Variants in CYP4F22 observed in about 807,000 individuals in gnomAD.
CYP4F22 encodes cytochrome P450 family 4 subfamily F member 22, also known as ultra-long-chain fatty acid omega-hydroxylase.
In CYP4F22, 37 loss-of-function variants were observed where a neutral mutation model predicts 60.4. The ratio of observed to expected loss-of-function variants is 0.61; its 90% CI spans 0.47 to 0.81. CYP4F22 has a LOEUF of 0.81. CYP4F22 is among the 30% of genes least tolerant of loss of function. CYP4F22 has a pLI of 0.00. For missense variants in CYP4F22, 655 were observed against 715.0 expected (o/e 0.92, Z 0.96); for synonymous variants, 258 against 280.5 (o/e 0.92, Z 0.80).
At chr19:15,549,694 G>T (rs1478821494) in intron 12 of CYP4F22, among the ~76,000 whole-genome samples, 1 of 151,652 alleles carries the variant, frequency 6.6e-6, no homozygotes, top group Non-Finnish European at 1.5e-5. Flanking sequence ...GCCCAATGTG[G>T]TGGCTTGTGT....
intron 3 of CYP4F22, among the ~76,000 whole-genome samples, chr19:15,525,851 A>AC (rs547805675): frequency 5.9e-5 from 9 of 151,462 alleles, no homozygotes; most frequent in Non-Finnish European, 1.0e-4. Flanking sequence ...ACATAGTGAG[A>AC]CCCCCTCTCT....
rs1190194212 is a variant in CYP4F22 at position 15,537,899 on chromosome 19, T to C, written c.577T>C (p.Ser193Pro). Reference protein sequence around the residue: ...HAKWRHLAEGSAVSLDMFEHI... With the variant: ...HAKWRHLAEGPAVSLDMFEHI... ...TAAATGGCGGCATCTGGCAGAGGGC[T>C]CAGCGGTCTCCCTTGATATGTTTGA... Residue 193 changes from serine (S) to proline (P), a missense_variant, in exon 7 of 14, where the codon TCA becomes CCA. Physicochemically the swap from Ser to Pro is moderately conservative, Grantham distance 74 (BLOSUM62 -1). Transcript: ENST00000269703. 1 of 1,614,138 alleles carries C rather than the reference T, an allele frequency of 6.2e-7. No individual in the cohort carries two copies. The highest frequency in any genetic ancestry group is 1.7e-5 in the Admixed American group (1 of 60,024).
chr19:15,519,209 C>G (rs1016611629), intron 1 of CYP4F22, among the ~76,000 whole-genome samples: 4 of 151,438 alleles, frequency 2.6e-5, no homozygotes, highest in African/African-American at 9.7e-5. Context: ...TTAGAAGCCC[C>G]AACATTTACA....
chr19:15,519,286 A>G lies in CYP4F22; in HGVS notation c.-108-4407A>G, dbSNP rs541598954. On this transcript the variant is annotated intron_variant, in intron 1 of 13. Transcript: ENST00000269703. ...GGATTTTTTTTTTTTTTTTTGAGAC[A>G]GAGTCTCACTCTGTCACCCAGGCTG... Among the ~76,000 whole-genome samples, 11 of 149,902 alleles carry G rather than the reference A, an allele frequency of 7.3e-5. No individual in the cohort carries two copies. In the South Asian group the frequency reaches 2.1e-3, roughly 29 times the overall value.
At chr19:15,542,462 T>G (rs1273537) in intron 8 of CYP4F22, among the ~76,000 whole-genome samples, 116,568 of 151,996 alleles carry the variant, frequency 0.77, 44,865 homozygotes, top group East Asian at 0.91. Flanking sequence ...GCTTGAACCC[T>G]GGAGGCAGAG....
chr19:15,533,804 A>G (rs919859578), intron 4 of CYP4F22, among the ~76,000 whole-genome samples: 1 of 151,760 alleles, frequency 6.6e-6, no homozygotes, highest in Non-Finnish European at 1.5e-5. Context: ...GGGTCTTGCT[A>G]TGTTGTCCAG....
chr19:15,549,252 C>G, intron 12 of CYP4F22, 50 bp downstream of exon 12: 1 of 1,593,864 alleles, frequency 6.3e-7, no homozygotes, highest in Non-Finnish European at 8.6e-7. Flanking sequence ...CCCTCCCCTG[C>G]GCCCCAGGGA....
chr19:15,533,074 C>T (rs1361100942), intron 4 of CYP4F22, among the ~76,000 whole-genome samples: 1 of 152,186 alleles, frequency 6.6e-6, no homozygotes, highest in Non-Finnish European at 1.5e-5. Flanking sequence ...AGCTGCACAG[C>T]CCTTGAGCCT....
intron 3 of CYP4F22, among the ~76,000 whole-genome samples, chr19:15,527,290 A>C (rs1401410007): frequency 6.6e-6 from 1 of 151,962 alleles, no homozygotes; most frequent in Admixed American, 6.6e-5. Flanking sequence ...ATTCAGAAAA[A>C]GGCTGGTGTT....
chr19:15,515,074 C>G (rs1971137714), intron 1 of CYP4F22, among the ~76,000 whole-genome samples: 1 of 152,170 alleles, frequency 6.6e-6, no homozygotes, highest in Admixed American at 6.5e-5. Flanking sequence ...CCAGGAGAGC[C>G]AGCTGGCTGG....
chr19:15,544,269 G>A lies in CYP4F22; in HGVS notation c.1126G>A (p.Glu376Lys), dbSNP rs1201493019. Reference sequence around the variant, plus strand: ...AGTCATGAAAGGCCGGGAGCTGGAGGAGCTGGAGTGGTGAGTGTGGGGTCA... The same window carrying A: ...AGTCATGAAAGGCCGGGAGCTGGAGAAGCTGGAGTGGTGAGTGTGGGGTCA... The part of the protein sequence containing the change: ...QEVMKGRELE[E>K]LEWDDLTQLP... The change falls in exon 10 of 14, where the codon GAG (glutamate) becomes AAG (lysine). Residue 376 changes from glutamate to lysine, a missense_variant. By Grantham distance (56) the Glu-to-Lys change is moderately conservative (BLOSUM62 1). Coordinates refer to ENST00000269703, the MANE Select transcript of CYP4F22 (RefSeq NM_173483.4). The A allele has an allele frequency of 1.9e-6, 3 of 1,613,806 alleles. No homozygotes were observed. The highest frequency in any genetic ancestry group is 2.7e-5 in the African/African-American group (2 of 74,938).
intron 8 of CYP4F22, among the ~76,000 whole-genome samples, chr19:15,542,756 C>T (rs111915007): frequency 6.6e-6 from 1 of 151,948 alleles, no homozygotes; most frequent in South Asian, 2.1e-4. Context: ...CCCCTGTGTC[C>T]GTGTGTTTTC....
rs1385402394 is a variant in CYP4F22 at position 15,551,463 on chromosome 19, C to G, written c.1588C>G (p.Arg530Gly). ...LWLKVEPLPP[R>G]A The stretch of plus-strand genomic sequence containing the variant: ...GCTCAAGGTGGAGCCGCTGCCTCCG[C>G]GGGCCTGAGCGTGGGCGCGCCCCTG... Residue 530 changes from arginine to glycine, a missense_variant, in exon 14 of 14, where the codon CGG becomes GGG. Coordinates refer to ENST00000269703, the MANE Select transcript of CYP4F22 (RefSeq NM_173483.4). 6.4e-7 allele frequency: 1 copy of G among 1,558,850 alleles called. No individual in the cohort carries two copies. The highest frequency in any genetic ancestry group is 1.2e-5 in the South Asian group (1 of 84,906).
intron 12 of CYP4F22, among the ~76,000 whole-genome samples, chr19:15,549,592 C>T (rs540085510): frequency 9.7e-4 from 148 of 152,234 alleles, no homozygotes; most frequent in African/African-American, 3.3e-3. Context: ...CTTTGAGAGG[C>T]TAAGGTGGGA....
chr19:15,536,093 C>A (rs1265837297), intron 4 of CYP4F22, among the ~76,000 whole-genome samples: 2 of 151,840 alleles, frequency 1.3e-5, no homozygotes, highest in African/African-American at 4.8e-5. Flanking sequence ...AGTCCCAGCA[C>A]TTTGGGAGGC....
intron 13 of CYP4F22, 47 bp downstream of exon 13, chr19:15,550,803 A>G: frequency 6.2e-7 from 1 of 1,603,040 alleles, no homozygotes; most frequent in East Asian, 2.2e-5. Flanking sequence ...GTAGGAACAG[A>G]GGCAGGGAAA....
intron 8 of CYP4F22, among the ~76,000 whole-genome samples, chr19:15,542,468 C>A (rs756478316): frequency 6.6e-6 from 1 of 152,164 alleles, no homozygotes; most frequent in Non-Finnish European, 1.5e-5. Context: ...ACCCTGGAGG[C>A]AGAGGTTGTA....
In CYP4F22 at chr19:15,525,531, C is replaced by G; in HGVS notation, c.195C>G (p.Arg65=). 1 of 1,610,752 alleles carries G rather than the reference C, an allele frequency of 6.2e-7. No individual in the cohort carries two copies. The highest frequency in any genetic ancestry group is 1.1e-5 in the South Asian group (1 of 91,066). The part of the protein sequence containing the change: ...RLRCFPQPPR[R]NWLLGHLGMY... The stretch of plus-strand genomic sequence containing the variant: ...GCTGCTTCCCCCAGCCTCCCCGGCG[C>G]AACTGGCTGCTGGGCCACCTGGGCA... Residue 65 remains arginine, a synonymous_variant, in exon 3 of 14, where the codon CGC becomes CGG. Transcript: ENST00000269703.
chr19:15,517,682 T>A (rs185974534), intron 1 of CYP4F22, among the ~76,000 whole-genome samples: 1 of 152,308 alleles, frequency 6.6e-6, no homozygotes, highest in African/African-American at 2.4e-5. Flanking sequence ...GTCTTCCAGC[T>A]CTCTTTAAGG....
Sources: allele counts gnomAD v4.1 joint callset (sites outside exome capture counted in the v4.1 genomes callset), GRCh38; gene constraint gnomAD v4.1.1; transcripts MANE v1.5; gene names NCBI Gene and HGNC (gene_info 2026-07-23, HGNC 2026-07-21).